The following ZRANB3 variants were observed in gnomAD, a reference collection of about 807,000 sequenced individuals.
ZRANB3 encodes zinc finger RANBP2-type containing 3, also known as DNA annealing helicase and endonuclease ZRANB3.
A neutral mutation model predicts 133.8 loss-of-function variants in ZRANB3; 125 were observed. That is an observed-to-expected ratio of 0.93 (90% CI 0.81 to 1.08). The LOEUF (loss-of-function observed/expected upper bound fraction) is 1.08. ZRANB3 is among the 50% of genes least tolerant of loss of function. The probability of loss-of-function intolerance (pLI) is 0.00; values close to 1 mark genes in which losing one functional copy is unlikely to be tolerated. For synonymous variants in ZRANB3, 387 were observed against 432.7 expected (o/e 0.89, Z 1.31); for missense variants, 1,229 against 1,275.5 (o/e 0.96, Z 0.56).
At chr2:135,331,580 G>A (rs1684141796) in intron 6 of ZRANB3, among the ~76,000 whole-genome samples, 1 of 152,110 alleles carries the variant, frequency 6.6e-6, no homozygotes, top group Admixed American at 6.5e-5. Context: ...GGTCTGCACT[G>A]TGTTCAAGTC....
chr2:135,239,282 T>C (rs2105080398), intron 12 of ZRANB3, among the ~76,000 whole-genome samples: 1 of 152,216 alleles, frequency 6.6e-6, no homozygotes, highest in Non-Finnish European at 1.5e-5. Context: ...TACATAATTA[T>C]AGACTCTCTG....
intron 8 of ZRANB3, among the ~76,000 whole-genome samples, chr2:135,285,107 A>G (rs1366012486): frequency 1.3e-5 from 2 of 151,992 alleles, no homozygotes; most frequent in Admixed American, 6.6e-5. Flanking sequence ...GGCCTCCCAA[A>G]GTGCTGGGAT....
Position 135,253,541 on chromosome 2 carries a change from C to A in ZRANB3, c.1539+11993G>T, listed in dbSNP as rs75762013. On this transcript the variant is annotated intron_variant, in intron 12 of 20. Transcript: ENST00000264159. ...AACATCATAGAGTGTACTTCACAAA[C>A]CTAGATGGTATAGCATACTATACAC... Among the ~76,000 whole-genome samples, 1,206 of 152,204 alleles carry A rather than the reference C, an allele frequency of 7.9e-3. 14 individuals carry two copies. Among genetic ancestry groups the A allele is most frequent in the African/African-American group, 0.028 (1,153 of 41,514 alleles).
intron 2 of ZRANB3, among the ~76,000 whole-genome samples, chr2:135,446,121 G>A (rs947432884): frequency 6.0e-5 from 9 of 151,216 alleles, no homozygotes; most frequent in East Asian, 1.9e-4. Context: ...CAAGAGAATC[G>A]CTTGAACCCA....
At chr2:135,516,190 A>C (rs1337974639) in intron 1 of ZRANB3, among the ~76,000 whole-genome samples, 1 of 151,410 alleles carries the variant, frequency 6.6e-6, no homozygotes, top group African/African-American at 2.4e-5. Flanking sequence ...TGCACGTGAG[A>C]TGGGTCTTCT....
chr2:135,506,486 C>T (rs1693195877), intron 1 of ZRANB3, among the ~76,000 whole-genome samples: 1 of 152,036 alleles, frequency 6.6e-6, no homozygotes. Context: ...AAATCATATA[C>T]AGCCTTGATA....
chr2:135,207,844 T>A lies in ZRANB3; in HGVS notation c.2607-8A>T, dbSNP rs1199200923. 1.3e-6 allele frequency: 2 copies of A among 1,586,032 alleles called. No homozygotes were observed. Among genetic ancestry groups the A allele is most frequent in the Non-Finnish European group, 1.7e-6 (2 of 1,161,260 alleles). On this transcript the variant is annotated splice_region_variant and splice_polypyrimidine_tract_variant and intron_variant, in intron 18 of 20. Transcript: ENST00000264159. ...CCATCTTCAAGAAGTTTTCTACAAT[T>A]GATAAAAACACTGAATAGGTAACTA...
intron 3 of ZRANB3, 149 bp downstream of exon 3, chr2:135,390,653 C>G (rs1687183773): frequency 3.5e-6 from 4 of 1,157,058 alleles, no homozygotes; most frequent in Non-Finnish European, 4.8e-6. Context: ...CTCTCTCCCC[C>G]TCCCTCCTCA....
At chr2:135,292,351 G>C (rs1681790328) in intron 8 of ZRANB3, among the ~76,000 whole-genome samples, 1 of 152,148 alleles carries the variant, frequency 6.6e-6, no homozygotes, top group African/African-American at 2.4e-5. Context: ...GGCCAGTGAT[G>C]ATGAGCATTT....
At chr2:135,208,254 CT>C (rs1693961301) in intron 18 of ZRANB3, among the ~76,000 whole-genome samples, 1 of 152,242 alleles carries the variant, frequency 6.6e-6, no homozygotes, top group Non-Finnish European at 1.5e-5. Flanking sequence ...TAATTACAAA[CT>C]CTCTCCTCCA....
chr2:135,479,914 A>C (rs905284172), intron 2 of ZRANB3, among the ~76,000 whole-genome samples: 2 of 151,836 alleles, frequency 1.3e-5, no homozygotes, highest in South Asian at 4.2e-4. Flanking sequence ...TTGGTTTTTT[A>C]TACCTATACT....
intron 2 of ZRANB3, among the ~76,000 whole-genome samples, chr2:135,420,237 C>T (rs1196002310): frequency 6.6e-6 from 1 of 150,712 alleles, no homozygotes; most frequent in Non-Finnish European, 1.5e-5. Flanking sequence ...AGAGACTTTC[C>T]ACTTTTGTAT....
rs1198059420 is a variant in ZRANB3, at chr2:135,511,555, A to G, written c.-7-7059T>C. On this transcript the variant is annotated intron_variant, in intron 1 of 20. Coordinates refer to ENST00000264159, the MANE Select transcript of ZRANB3 (RefSeq NM_032143.4). ...AAAGACCTCATCTTGCTATCTGAAGATATCATTGTGAACATAGAACTGATT... is the reference window on the plus strand; with the variant it reads ...AAAGACCTCATCTTGCTATCTGAAGGTATCATTGTGAACATAGAACTGATT... The G allele has an allele frequency of 3.9e-6, 4 of 1,019,664 alleles. No homozygotes were observed. In the African/African-American group the frequency reaches 4.7e-5, roughly 12 times the overall value. The allele number at this position is 1,019,664 out of a possible 1,614,324, so 63.2% of individuals were successfully genotyped here.
intron 19 of ZRANB3, among the ~76,000 whole-genome samples, chr2:135,204,640 A>C (rs886552158): frequency 8.0e-6 from 1 of 125,650 alleles, no homozygotes; most frequent in Non-Finnish European, 1.6e-5. Flanking sequence ...ACCCAATCTC[A>C]AAAAAAAAAA....
At chr2:135,276,076 TAGA>T (rs1458995908) in intron 8 of ZRANB3, among the ~76,000 whole-genome samples, 2 of 152,038 alleles carry the variant, frequency 1.3e-5, no homozygotes, top group East Asian at 3.8e-4. Flanking sequence ...CAGTTTTGTT[TAGA>T]AGGTGATTTT....
At chr2:135,328,938 C>A (rs1338517053) in intron 6 of ZRANB3, among the ~76,000 whole-genome samples, 2 of 152,144 alleles carry the variant, frequency 1.3e-5, no homozygotes, top group East Asian at 3.8e-4. Context: ...TGTTTAAGTT[C>A]TTTGCAGATT....
chr2:135,215,220 T>A (rs1694256319), intron 17 of ZRANB3, among the ~76,000 whole-genome samples: 1 of 152,098 alleles, frequency 6.6e-6, no homozygotes, highest in Non-Finnish European at 1.5e-5. Context: ...GGCTAGCCAG[T>A]ATTTTTTTAT....
intron 2 of ZRANB3, among the ~76,000 whole-genome samples, chr2:135,490,056 A>G (rs969765264): frequency 6.6e-6 from 1 of 152,188 alleles, no homozygotes; most frequent in Admixed American, 6.5e-5. Flanking sequence ...AAAAATGGGT[A>G]GTGAGGTAAA....
At chr2:135,413,785 G>C (rs1688424385) in intron 2 of ZRANB3, among the ~76,000 whole-genome samples, 2 of 152,136 alleles carry the variant, frequency 1.3e-5, no homozygotes, top group South Asian at 2.1e-4. Flanking sequence ...AGCCAGAAGA[G>C]AGTGGGGGCC....
Sources: allele counts gnomAD v4.1 joint callset (sites outside exome capture counted in the v4.1 genomes callset), GRCh38; gene constraint gnomAD v4.1.1; transcripts MANE v1.5; gene names NCBI Gene and HGNC (gene_info 2026-07-23, HGNC 2026-07-21).